The following TTC13 variants were observed in gnomAD, a reference collection of about 807,000 sequenced individuals.
TTC13 encodes the protein tetratricopeptide repeat protein 13.
Under a neutral mutation model 120.0 loss-of-function variants are expected in TTC13, and 62 were observed. The observed-to-expected ratio is 0.52, with a 90% CI of 0.42 to 0.64. The LOEUF is 0.64. TTC13 is among the 30% of genes least tolerant of loss of function. The probability of loss-of-function intolerance (pLI) is 0.00; values close to 1 mark genes in which losing one functional copy is unlikely to be tolerated. For synonymous variants in TTC13, 384 were observed against 393.5 expected (o/e 0.98, Z 0.28); for missense variants, 824 against 1,050.2 (o/e 0.78, Z 2.98).
intron 1 of TTC13, among the ~76,000 whole-genome samples, chr1:230,977,926 A>G (rs1311327175): frequency 6.6e-6 from 1 of 152,240 alleles, no homozygotes; most frequent in Non-Finnish European, 1.5e-5. Context: ...CAAGGCCTGC[A>G]GGGGCCTTTT....
rs541679085 is a variant in TTC13, at chr1:230,909,722, A to T, written c.2310-702T>A. ...CAGAATACATTCTCACAATGTACTA[A>T]CGGACAGATGGTTTGGAGATTTGGG... On this transcript the variant is annotated intron_variant, in intron 20 of 22. Coordinates refer to ENST00000366661, the MANE Select transcript of TTC13 (RefSeq NM_024525.5). 4.6e-5 allele frequency among the ~76,000 whole-genome samples: 7 copies of T among 152,376 alleles called. No homozygotes were observed. In the East Asian group the frequency reaches 1.3e-3, roughly 29 times the overall value.
rs973237772 is a variant in TTC13, at chr1:230,978,298, G to A, written c.271+262C>T. On this transcript the variant is annotated intron_variant, in intron 1 of 22. Coordinates refer to ENST00000366661, the MANE Select transcript of TTC13 (RefSeq NM_024525.5). The surrounding 1 kb of genome is among the most constrained non-coding windows in gnomAD (Gnocchi z 5.6). ...ACAGTTGCTTCAGACTCAGGAGAGA[G>A]GCCGCCCTGGCCCCAGGAGCATGCT... 6.6e-6 allele frequency among the ~76,000 whole-genome samples: 1 copy of A among 152,170 alleles called. No individual in the cohort carries two copies. Among genetic ancestry groups the A allele is most frequent in the Non-Finnish European group, 1.5e-5 (1 of 68,016 alleles).
chr1:230,916,447 C>T, intron 17 of TTC13, 145 bp from the exon 18 acceptor site: 1 of 666,334 alleles, frequency 1.5e-6, no homozygotes, highest in Non-Finnish European at 2.7e-6. Flanking sequence ...GCCTGGTGGC[C>T]AAGGACATCT....
intron 1 of TTC13, among the ~76,000 whole-genome samples, chr1:230,962,717 C>G (rs1265662144): frequency 1.3e-5 from 2 of 152,100 alleles, no homozygotes; most frequent in Non-Finnish European, 2.9e-5. Flanking sequence ...AATGAATAAA[C>G]AAATTTTGGT....
At chr1:230,924,480 GCACCACCACGCC>G (rs892038880) in intron 14 of TTC13, among the ~76,000 whole-genome samples, 27 of 152,166 alleles carry the variant, frequency 1.8e-4, no homozygotes, top group African/African-American at 6.3e-4. Context: ...CTACAGGCGC[GCACCACCACGCC>G]CAGCTAATTT....
chr1:230,909,284 G>A (rs375807173), intron 20 of TTC13, among the ~76,000 whole-genome samples: 8 of 150,214 alleles, frequency 5.3e-5, no homozygotes, highest in African/African-American at 1.2e-4. Flanking sequence ...TGGGCGGATC[G>A]CTTGAGGTCA....
At chr1:230,963,675 A>AAATAAATAAATAAATAAAT (rs1277313545) in intron 1 of TTC13, among the ~76,000 whole-genome samples, 1 of 134,250 alleles carries the variant, frequency 7.4e-6, no homozygotes, top group African/African-American at 3.4e-5. Flanking sequence ...AATAAATAAA[A>AAATAAATAAATAAATAAAT]GAAAAAAGAA....
chr1:230,940,431 A>G lies in TTC13; in HGVS notation c.789+9T>C, dbSNP rs6671389. The G allele has an allele frequency of 0.029, 44,928 of 1,555,438 alleles. 1,588 individuals are homozygous for G. The highest frequency in any genetic ancestry group is 0.17 in the African/African-American group (12,709 of 73,234). On this transcript the variant is annotated intron_variant, in intron 7 of 22. Coordinates refer to ENST00000366661, the MANE Select transcript of TTC13 (RefSeq NM_024525.5). This position sits in a 1 kb window ranked among gnomAD's most constrained non-coding sequence, Gnocchi z 4.1. ...ATCATAAAAATACTTCAAGACAAAA[A>G]CCAGTCACCTCTGATATGAAGTACA...
chr1:230,971,345 C>CAAAAAAA (rs11453211), intron 1 of TTC13, among the ~76,000 whole-genome samples: 4 of 80,802 alleles, frequency 5.0e-5, no homozygotes, highest in South Asian at 6.1e-4. Context: ...GACTCCATCT[C>CAAAAAAA]AAAAAAAAAA....
chr1:230,961,374 G>T, intron 1 of TTC13, 71 bp from the exon 2 acceptor site: 2 of 1,162,990 alleles, frequency 1.7e-6, no homozygotes, highest in Non-Finnish European at 2.5e-6. Flanking sequence ...CTATGAATTA[G>T]AATTTTTAGA....
chr1:230,926,720 A>C (rs1673084966), intron 12 of TTC13, among the ~76,000 whole-genome samples: 1 of 152,244 alleles, frequency 6.6e-6, no homozygotes, highest in African/African-American at 2.4e-5. Flanking sequence ...GAGAACATGC[A>C]TAATCTCCAT....
In TTC13 at chr1:230,906,798, G is replaced by C; in HGVS notation, c.*107C>G. ...AAGTATTCAATTCCTATAAAAATTG[G>C]TATCAAAAGTAATAGAGGACCTAAT... is the stretch of plus-strand genomic sequence containing the variant. On this transcript the variant is annotated 3_prime_UTR_variant, in exon 23 of 23. Transcript: ENST00000366661. The C allele has an allele frequency of 2.3e-6, 1 of 438,822 alleles. No homozygotes were observed. 27.2% of individuals were successfully genotyped at this position (438,822 alleles called of 1,614,324 possible).
chr1:230,945,451 C>T lies in TTC13; in HGVS notation c.517G>A (p.Glu173Lys). The T allele has an allele frequency of 6.2e-7, 1 of 1,614,060 alleles. No homozygotes were observed. Among genetic ancestry groups the T allele is most frequent in the Non-Finnish European group, 8.5e-7 (1 of 1,179,948 alleles). The stretch of plus-strand genomic sequence containing the variant: ...TAAATTGCACTAACCAGATCAGGCT[C>T]CTCCTAGTCAGACCAAAACAAAAAC... ...IRHFSTMLQE[E>K]PDLVSAIYGR... The change falls in exon 5 of 23, where the codon GAG becomes AAG. Residue 173 changes from glutamate (E) to lysine (K), a missense_variant. Physicochemically the swap from Glu to Lys is moderately conservative, Grantham distance 56. This residue lies in a region of TTC13 where 430 missense variants were observed against 626.8 expected (regional missense o/e 0.69). Transcript: ENST00000366661.
chr1:230,924,296 A>G (rs1454630779), intron 14 of TTC13, among the ~76,000 whole-genome samples: 4 of 152,198 alleles, frequency 2.6e-5, no homozygotes, highest in Admixed American at 6.5e-5. Context: ...AAAATGCTTC[A>G]TGTAAATAGG....
At chr1:230,933,000 T>C (rs1673693392) in intron 9 of TTC13, among the ~76,000 whole-genome samples, 1 of 152,020 alleles carries the variant, frequency 6.6e-6, no homozygotes, top group South Asian at 2.1e-4. Context: ...TGAGATAGAG[T>C]CTCGCTCTGT....
At chr1:230,962,584 C>G (rs1232753065) in intron 1 of TTC13, among the ~76,000 whole-genome samples, 1 of 152,156 alleles carries the variant, frequency 6.6e-6, no homozygotes. Context: ...AGCAATTCTT[C>G]TCCTAGGTAT....
Position 230,978,615 on chromosome 1 carries a change from G to A in TTC13, c.216C>T (p.Gly72=). Residue 72 remains glycine, a synonymous_variant, in exon 1 of 23, where the codon GGC becomes GGT. Coordinates refer to ENST00000366661, the MANE Select transcript of TTC13 (RefSeq NM_024525.5). The surrounding 1 kb of genome is among the most constrained non-coding windows in gnomAD (Gnocchi z 5.6). ...AGTCCCCGGACTGCGGGCTGCAGCC[G>A]CCGCCGCCCGCCGGGGCCTCCTGCT... The part of the protein sequence containing the change: ...RQQQEAPAGG[G]GCSPQSGDWG... The A allele has an allele frequency of 1.4e-6, 2 of 1,456,484 alleles. No homozygotes were observed. Among genetic ancestry groups the A allele is most frequent in the East Asian group, 3.0e-5 (1 of 33,230 alleles). The allele number at this position is 1,456,484 out of a possible 1,614,324, so 90.2% of individuals were successfully genotyped here. A position where few individuals can be genotyped will look rare whatever the true frequency, so the allele number is the denominator to read the frequency against.
chr1:230,967,153 TTTATA>T (rs1238472698), intron 1 of TTC13, among the ~76,000 whole-genome samples: 1 of 148,152 alleles, frequency 6.7e-6, no homozygotes, highest in Non-Finnish European at 1.5e-5. Flanking sequence ...TTTTAAAATA[TTTATA>T]TTAATTTAGC....
intron 8 of TTC13, among the ~76,000 whole-genome samples, chr1:230,937,248 T>C (rs1229071526): frequency 6.6e-6 from 1 of 152,328 alleles, no homozygotes; most frequent in Middle Eastern, 3.4e-3. Flanking sequence ...AAGAGCCCCA[T>C]CCATGTTCCT....
Sources: allele counts gnomAD v4.1 joint callset (sites outside exome capture counted in the v4.1 genomes callset), GRCh38; gene constraint gnomAD v4.1.1; regional missense constraint gnomAD v4.1.1; non-coding constraint Gnocchi (gnomAD v3.1); transcripts MANE v1.5; gene names NCBI Gene and HGNC (gene_info 2026-07-23, HGNC 2026-07-21).